The following AKAP9 variants were observed in gnomAD, a reference collection of about 807,000 sequenced individuals.
The protein encoded by AKAP9 is A-kinase anchoring protein 9, also known as A-kinase anchor protein 9.
AKAP9 carries 311 observed loss-of-function variants against 488.5 expected under a neutral mutation model. That is an observed-to-expected ratio of 0.64 (90% CI 0.58 to 0.70). AKAP9 has a LOEUF of 0.70. Among genes scored for constraint, AKAP9 ranks in the 30% least tolerant of loss-of-function variants. The pLI is 0.00. For synonymous variants in AKAP9, 1,462 were observed against 1,483.5 expected, an observed-to-expected ratio of 0.99 and a Z score of 0.33; for missense variants, 4,215 against 4,374.5, an observed-to-expected ratio of 0.96 and a Z score of 1.03.
chr7:92,096,778 C>G lies in AKAP9; in HGVS notation c.9819C>G (p.Ser3273=). The change falls in exon 41 of 50, where the codon TCC becomes TCG. Residue 3273 remains serine (S), a synonymous_variant. Coordinates refer to ENST00000356239, the MANE Select transcript of AKAP9 (RefSeq NM_005751.5). ...AACAGAAACAACTACTGAACGAATCCCAGCAAAAAATAGAATCACAGAGAA... is the reference window on the plus strand; with the variant it reads ...AACAGAAACAACTACTGAACGAATCGCAGCAAAAAATAGAATCACAGAGAA... ...LEQQKQLLNE[S]QQKIESQRML... is the part of the protein sequence containing the mutation. The G allele has an allele frequency of 6.2e-7, 1 of 1,614,076 alleles. No individual in the cohort carries two copies. The highest frequency in any genetic ancestry group is 8.5e-7 in the Non-Finnish European group (1 of 1,180,020).
At chr7:91,971,560 CTTTT>C (rs71107844) in intron 1 of AKAP9, among the ~76,000 whole-genome samples, 1 of 68,542 alleles carries the variant, frequency 1.5e-5, no homozygotes, top group Non-Finnish European at 2.6e-5. Context: ...ACATCTATTT[CTTTT>C]TTTTTTTTTT....
intron 14 of AKAP9, among the ~76,000 whole-genome samples, chr7:92,023,281 G>A (rs747670530): frequency 6.6e-6 from 1 of 151,940 alleles, no homozygotes; most frequent in Non-Finnish European, 1.5e-5. Flanking sequence ...TAATTAAATC[G>A]GCAGTGTGCA....
Position 92,095,051 on chromosome 7 carries a change from G to A in AKAP9, c.9607G>A (p.Val3203Ile), listed in dbSNP as rs1370864979. 13 of 1,614,110 alleles carry A rather than the reference G, an allele frequency of 8.1e-6. No homozygotes were observed. The highest frequency in any genetic ancestry group is 1.1e-5 in the Non-Finnish European group (13 of 1,179,960). ...GGAAGTTAAAGATAAGACAGATGAA[G>A]TACATTTGCTTAATGACACATTAGC... ...RLEVKDKTDEVHLLNDTLASE... is the reference protein window; with the variant it reads ...RLEVKDKTDEIHLLNDTLASE... Residue 3203 changes from valine to isoleucine, a missense_variant, in exon 40 of 50, where the codon GTA becomes ATA. Around this residue, in one of 5 missense-constraint regions of AKAP9, gnomAD observed 1,476 missense variants for 1,477.4 expected, o/e 1.00. Coordinates refer to ENST00000356239, the MANE Select transcript of AKAP9 (RefSeq NM_005751.5).
At chr7:92,085,411 T>A (rs1814355815) in intron 35 of AKAP9, 84 bp from the exon 36 acceptor site, 10 of 1,337,596 alleles carry the variant, frequency 7.5e-6, no homozygotes, top group Non-Finnish European at 1.1e-5. Context: ...CTATCTTGCT[T>A]AAAATTTATT....
At chr7:92,008,891 C>T (rs1800300381) in intron 8 of AKAP9, among the ~76,000 whole-genome samples, 1 of 150,144 alleles carries the variant, frequency 6.7e-6, no homozygotes, top group Admixed American at 6.7e-5. Context: ...GAGGCTGAGG[C>T]AGGAGAATAG....
Position 92,002,366 on chromosome 7 carries a change from G to T in AKAP9, c.2449G>T (p.Val817Leu). ...CATTAAGTCCAAATCCAAAGACTCT[G>T]TGTGGGAAAAAGAAATAGAAATACT... ...DSIKSKSKDSVWEKEIEILIE... is the reference protein window; with the variant it reads ...DSIKSKSKDSLWEKEIEILIE... The change falls in exon 8 of 50, where the codon GTG becomes TTG. Residue 817 changes from valine to leucine, a missense_variant. Around this residue, in one of 5 missense-constraint regions of AKAP9, gnomAD observed 2,361 missense variants for 2,430.0 expected, o/e 0.97. Coordinates refer to ENST00000356239, the MANE Select transcript of AKAP9 (RefSeq NM_005751.5). 6.2e-7 allele frequency: 1 copy of T among 1,612,292 alleles called. No individual in the cohort carries two copies. Among genetic ancestry groups the T allele is most frequent in the East Asian group, 2.2e-5 (1 of 44,754 alleles).
intron 28 of AKAP9, among the ~76,000 whole-genome samples, chr7:92,073,194 C>T (rs1812004731): frequency 6.6e-6 from 1 of 151,972 alleles, no homozygotes; most frequent in Admixed American, 6.6e-5. Flanking sequence ...GAGATAAAAA[C>T]ACTTTTTAAA....
chr7:91,970,022 T>G (rs899362008), intron 1 of AKAP9, among the ~76,000 whole-genome samples: 6 of 152,144 alleles, frequency 3.9e-5, no homozygotes, highest in Non-Finnish European at 8.8e-5. Context: ...GTTAAGTGAT[T>G]TTTTTTTCTG....
At chr7:92,040,925 T>G in intron 18 of AKAP9, 27 bp downstream of exon 18, 2 of 1,563,708 alleles carry the variant, frequency 1.3e-6, no homozygotes, top group Non-Finnish European at 1.7e-6. Flanking sequence ...CCCCTTTCTC[T>G]CCCCAGTTAT....
At chr7:92,067,734 A>C (rs1015229590) in intron 26 of AKAP9, among the ~76,000 whole-genome samples, 1 of 152,206 alleles carries the variant, frequency 6.6e-6, no homozygotes, top group Non-Finnish European at 1.5e-5. Flanking sequence ...TGTCATGGTG[A>C]TAAAGACATT....
chr7:92,079,221 T>C lies in AKAP9; in HGVS notation c.7088T>C (p.Leu2363Ser), dbSNP rs1404246588. The C allele has an allele frequency of 1.2e-6, 2 of 1,613,996 alleles. No homozygotes were observed. Among genetic ancestry groups the C allele is most frequent in the South Asian group, 1.1e-5 (1 of 91,066 alleles). ...NEVIEKLQQE[L>S]ANIGQKTSMN... is the part of the protein sequence containing the mutation. ...GTGATTGAAAAACTTCAACAGGAAT[T>C]GGCAAATATTGGACAGAAGACATCA... Residue 2363 changes from leucine (L) to serine (S), a missense_variant, in exon 31 of 50, where the codon TTG becomes TCG. By Grantham distance (145) the Leu-to-Ser change is moderately radical. Transcript: ENST00000356239.
intron 27 of AKAP9, among the ~76,000 whole-genome samples, chr7:92,070,676 C>A (rs566994547): frequency 6.6e-6 from 1 of 151,968 alleles, no homozygotes; most frequent in South Asian, 2.1e-4. Context: ...CTCAGGTGAT[C>A]CACCTACCTC....
At chr7:92,033,022 A>G (rs1804545780) in intron 16 of AKAP9, among the ~76,000 whole-genome samples, 1 of 152,234 alleles carries the variant, frequency 6.6e-6, no homozygotes, top group African/African-American at 2.4e-5. Context: ...CAATTTTTAT[A>G]AGGATTCAAT....
intron 2 of AKAP9, among the ~76,000 whole-genome samples, chr7:91,975,076 T>A (rs976965098): frequency 1.3e-5 from 2 of 152,158 alleles, no homozygotes; most frequent in African/African-American, 4.8e-5. Context: ...GGTCTCAAAC[T>A]CCTGAGCTCA....
At position 92,097,721 on chromosome 7, in the gene AKAP9, T is replaced by G. The variant is rs1816859826; in HGVS notation, c.10534T>G (p.Leu3512Val). The change falls in exon 42 of 50, where the codon TTA (leucine) becomes GTA (valine). Residue 3512 changes from leucine (L) to valine (V), a missense_variant. Around this residue, in one of 5 missense-constraint regions of AKAP9, gnomAD observed 1,476 missense variants for 1,477.4 expected, o/e 1.00. Transcript: ENST00000356239. ...NGGGTGCNHE[L>V]EMIRQKLQCV... ...AGGAGGAACCGGCTGTAATCATGAA[T>G]TAGAAATGATCAGACAAAAGCTTCA... The G allele has an allele frequency of 3.7e-6, 6 of 1,614,154 alleles. No homozygotes were observed. The South Asian group carries it at 5.5e-5, about 15-fold the overall frequency.
At chr7:92,092,932 T>A in intron 38 of AKAP9, 165 bp from the exon 39 acceptor site, 2 of 620,064 alleles carry the variant, frequency 3.2e-6, no homozygotes, top group Non-Finnish European at 5.6e-6. Context: ...ATTACAGGTG[T>A]GAGCCACCAT....
At chr7:92,076,200 G>A (rs1812558502) in intron 28 of AKAP9, among the ~76,000 whole-genome samples, 1 of 152,182 alleles carries the variant, frequency 6.6e-6, no homozygotes, top group Non-Finnish European at 1.5e-5. Context: ...TCAAAAAGCA[G>A]TTGCTTTACC....
At chr7:91,977,903 C>CTAGAATGAATA (rs1795904431) in intron 2 of AKAP9, among the ~76,000 whole-genome samples, 1 of 152,070 alleles carries the variant, frequency 6.6e-6, no homozygotes, top group Non-Finnish European at 1.5e-5. Context: ...ACAATATGCA[C>CTAGAATGAATA]TTAATGAATA....
intron 14 of AKAP9, 72 bp downstream of exon 14, chr7:92,023,081 G>A: frequency 6.6e-7 from 1 of 1,522,690 alleles, no homozygotes; most frequent in Non-Finnish European, 9.1e-7. Context: ...ATCCAGAATG[G>A]TTATTTAAAA....
Sources: gnomAD v4.1 joint callset for allele counts (sites outside exome capture counted in the v4.1 genomes callset) on GRCh38, gnomAD v4.1.1 for gene constraint, gnomAD v4.1.1 regional missense constraint, MANE v1.5 for transcripts, NCBI Gene and HGNC (gene_info 2026-07-23, HGNC 2026-07-21) for gene names.